The following CSNK2A2IP variants were observed in gnomAD, a reference collection of about 807,000 sequenced individuals.
CSNK2A2IP encodes casein kinase II subunit alpha'-interacting protein.
the CSNK2A2IP span, among the ~76,000 whole-genome samples, chr3:88,360,619 G>T: frequency 6.6e-6 from 1 of 151,872 alleles, no homozygotes; most frequent in African/African-American, 2.4e-5. Flanking sequence ...TATTCATTCA[G>T]GTACTCTGAA....
the CSNK2A2IP span, among the ~76,000 whole-genome samples, chr3:88,457,538 A>G: frequency 5.3e-5 from 8 of 151,924 alleles, no homozygotes; most frequent in East Asian, 1.6e-3. Flanking sequence ...TCTACTAAAA[A>G]TATAAAAAAT....
the CSNK2A2IP span, among the ~76,000 whole-genome samples, chr3:88,340,259 T>C: frequency 6.6e-6 from 1 of 151,876 alleles, no homozygotes; most frequent in Non-Finnish European, 1.5e-5. Context: ...AGGAGCATGA[T>C]TAAATTGGTT....
At chr3:88,466,010 C>T in the CSNK2A2IP span, 1 of 1,231,562 alleles carries the variant, frequency 8.1e-7, no homozygotes, top group South Asian at 4.1e-5. Context: ...TTGCTTCAAT[C>T]CAAACCTCAG....
the CSNK2A2IP span, among the ~76,000 whole-genome samples, chr3:88,421,657 T>C: frequency 6.6e-6 from 1 of 152,116 alleles, no homozygotes; most frequent in African/African-American, 2.4e-5. Flanking sequence ...CCTCAGATGA[T>C]CCACCCACCT....
At chr3:88,369,088 T>G in the CSNK2A2IP span, among the ~76,000 whole-genome samples, 1 of 151,990 alleles carries the variant, frequency 6.6e-6, no homozygotes, top group Non-Finnish European at 1.5e-5. Context: ...AAGAAGGACA[T>G]GAAATAAAAT....
chr3:88,429,516 A>T, the CSNK2A2IP span, among the ~76,000 whole-genome samples: 3 of 152,114 alleles, frequency 2.0e-5, no homozygotes, highest in Non-Finnish European at 4.4e-5. Context: ...TTAGGGCAGA[A>T]AATTCATCGT....
At chr3:88,396,559 A>G in the CSNK2A2IP span, among the ~76,000 whole-genome samples, 1 of 152,216 alleles carries the variant, frequency 6.6e-6, no homozygotes, top group Non-Finnish European at 1.5e-5. Flanking sequence ...ATCCACAACA[A>G]GGAACATGAG....
At chr3:88,401,074 A>G in the CSNK2A2IP span, among the ~76,000 whole-genome samples, 7 of 152,304 alleles carry the variant, frequency 4.6e-5, no homozygotes, top group East Asian at 7.7e-4. Flanking sequence ...ACAAAAAATG[A>G]TATGAAGTTA....
At chr3:88,348,618 T>C in the CSNK2A2IP span, among the ~76,000 whole-genome samples, 2 of 152,242 alleles carry the variant, frequency 1.3e-5, no homozygotes, top group Admixed American at 1.3e-4. Flanking sequence ...TTCAGCTCTC[T>C]GTATTGGAAA....
At chr3:88,446,223 G>A in the CSNK2A2IP span, among the ~76,000 whole-genome samples, 2 of 151,624 alleles carry the variant, frequency 1.3e-5, no homozygotes, top group African/African-American at 2.4e-5. Flanking sequence ...CGAGTAGCTG[G>A]GATTACAGGC....
the CSNK2A2IP span, among the ~76,000 whole-genome samples, chr3:88,340,564 A>G: frequency 1.3e-5 from 2 of 151,938 alleles, no homozygotes; most frequent in Non-Finnish European, 2.9e-5. Flanking sequence ...TGGTGCTGTG[A>G]TCGGGAGCTA....
At chr3:88,426,288 T>TG in the CSNK2A2IP span, among the ~76,000 whole-genome samples, 1 of 152,190 alleles carries the variant, frequency 6.6e-6, no homozygotes, top group Non-Finnish European at 1.5e-5. Context: ...GACATTCTAA[T>TG]GGTCCCTGGC....
At chr3:88,465,053 C>T in the CSNK2A2IP span, 2 of 225,396 alleles carry the variant, frequency 8.9e-6, no homozygotes, top group East Asian at 1.9e-4. Context: ...TCTATCAGGA[C>T]CTCTTCTGAC....
chr3:88,443,347 C>T, the CSNK2A2IP span, among the ~76,000 whole-genome samples: 2 of 151,826 alleles, frequency 1.3e-5, no homozygotes, highest in African/African-American at 4.8e-5. Context: ...AAAACAAAAA[C>T]GATGAGCTTG....
At chr3:88,352,708 A>G in the CSNK2A2IP span, among the ~76,000 whole-genome samples, 3 of 152,036 alleles carry the variant, frequency 2.0e-5, no homozygotes, top group African/African-American at 4.8e-5. Context: ...CTTCTTGAGT[A>G]GCCCGGACCA....
chr3:88,407,544 G>T, the CSNK2A2IP span, among the ~76,000 whole-genome samples: 1 of 152,042 alleles, frequency 6.6e-6, no homozygotes, highest in African/African-American at 2.4e-5. Flanking sequence ...ATCTAATGGA[G>T]GTCAGTGTGT....
chr3:88,352,211 T>G, the CSNK2A2IP span, among the ~76,000 whole-genome samples: 2 of 152,120 alleles, frequency 1.3e-5, no homozygotes, highest in Non-Finnish European at 2.9e-5. Flanking sequence ...TAACTCTCTC[T>G]CTCATCTATC....
At chr3:88,450,158 C>T in the CSNK2A2IP span, among the ~76,000 whole-genome samples, 1 of 151,870 alleles carries the variant, frequency 6.6e-6, no homozygotes, top group East Asian at 1.9e-4. Flanking sequence ...TGTGATCCAC[C>T]ACACCCAGCC....
chr3:88,407,478 C>T, the CSNK2A2IP span, among the ~76,000 whole-genome samples: 4 of 151,954 alleles, frequency 2.6e-5, no homozygotes, highest in South Asian at 2.1e-4. Flanking sequence ...AGCTTCTTGG[C>T]GGCATATGTA....
Sources: allele counts gnomAD v4.1 joint callset (sites outside exome capture counted in the v4.1 genomes callset), GRCh38; gene constraint gnomAD v4.1.1; transcripts MANE v1.5; gene names NCBI Gene and HGNC (gene_info 2026-07-23, HGNC 2026-07-21).